JPH3: variants seen among roughly 807,000 people sequenced by gnomAD.
JPH3 encodes the protein junctophilin 3.
A neutral mutation model predicts 59.6 loss-of-function variants in JPH3; 11 were observed. The observed-to-expected ratio is 0.18, with a 90% CI of 0.12 to 0.31. JPH3 has a LOEUF of 0.31. Ranked by LOEUF, JPH3 falls within the 10% of genes least tolerant of loss-of-function variation. JPH3 has a pLI of 1.00. For missense variants in JPH3, 1,202 were observed against 1,105.7 expected (o/e 1.09, Z -1.24); for synonymous variants, 673 against 483.6 (o/e 1.39, Z -5.14).
At chr16:87,642,917 G>C (rs1056980465) in intron 1 of JPH3, among the ~76,000 whole-genome samples, 9 of 152,168 alleles carry the variant, frequency 5.9e-5, no homozygotes, top group African/African-American at 2.2e-4. Context: ...AATGTACCAC[G>C]TTAGCTACTT....
At position 87,603,072 on chromosome 16, in the gene JPH3, G is replaced by A. The variant is rs2030320808; in HGVS notation, c.-75G>A. 1.3e-6 allele frequency: 2 copies of A among 1,584,682 alleles called. No homozygotes were observed. The highest frequency in any genetic ancestry group is 1.7e-5 in the Admixed American group (1 of 58,074). On this transcript the variant is annotated 5_prime_UTR_variant, in exon 1 of 5. Coordinates refer to ENST00000284262, the MANE Select transcript of JPH3 (RefSeq NM_020655.4). ...AAACGCTCGCGACCCAGGGCCGCCG[G>A]CGGCCGCGACTCTGCTGTGTCGATC...
chr16:87,662,848 G>T (rs1199056353), intron 2 of JPH3, among the ~76,000 whole-genome samples: 1 of 152,176 alleles, frequency 6.6e-6, no homozygotes, highest in African/African-American at 2.4e-5. Context: ...ACCTGGGATG[G>T]CCCTCCCTAC....
chr16:87,636,417 G>T (rs534229132), intron 1 of JPH3, among the ~76,000 whole-genome samples: 1 of 152,236 alleles, frequency 6.6e-6, no homozygotes, highest in Non-Finnish European at 1.5e-5. Flanking sequence ...TGGTGCAGGC[G>T]TGTGCGCTCA....
rs1309484496 is a variant in JPH3 at position 87,690,367 on chromosome 16, C to G, written c.2007C>G (p.Ser669=). ...AQNKENFRPA[S]SAEPAVQKLA... ...ACAAGGAGAACTTCAGGCCGGCCTCCTCCGCGGAGCCCGCCGTGCAGAAAC... is the reference window on the plus strand; with the variant it reads ...ACAAGGAGAACTTCAGGCCGGCCTCGTCCGCGGAGCCCGCCGTGCAGAAAC... The change falls in exon 4 of 5, where the codon TCC becomes TCG. Residue 669 remains serine, a synonymous_variant. Transcript: ENST00000284262. The G allele has an allele frequency of 6.5e-7, 1 of 1,544,088 alleles. No homozygotes were observed. The highest frequency in any genetic ancestry group is 8.7e-7 in the Non-Finnish European group (1 of 1,148,120).
chr16:87,664,706 C>T (rs2032808901), intron 2 of JPH3, among the ~76,000 whole-genome samples: 1 of 152,172 alleles, frequency 6.6e-6, no homozygotes, highest in Non-Finnish European at 1.5e-5. Flanking sequence ...CGGTGAGCCA[C>T]CCCGGAGTGA....
chr16:87,610,851 G>C (rs2030704391), intron 1 of JPH3, among the ~76,000 whole-genome samples: 1 of 152,194 alleles, frequency 6.6e-6, no homozygotes, highest in African/African-American at 2.4e-5. Context: ...TTAATGAGTA[G>C]CATTCATTGC....
At chr16:87,650,187 A>G (rs1263098810) in intron 2 of JPH3, among the ~76,000 whole-genome samples, 1 of 152,202 alleles carries the variant, frequency 6.6e-6, no homozygotes, top group Non-Finnish European at 1.5e-5. Flanking sequence ...TCCGTGCCAC[A>G]CTTTGGTAAT....
At position 87,680,869 on chromosome 16, in the gene JPH3, C is replaced by T. The variant is rs150780348; in HGVS notation, c.1161-3273C>T. ...GTGTGAACGTATATATGTAAACACA[C>T]GTATGATGTTGGTGAGTTCATGTTG... On this transcript the variant is annotated intron_variant, in intron 2 of 4. Transcript: ENST00000284262. Among the ~76,000 whole-genome samples the T allele has an allele frequency of 3.1e-3, 471 of 152,320 alleles. 2 individuals carry two copies. The highest frequency in any genetic ancestry group is 0.011 in the African/African-American group (454 of 41,556).
intron 1 of JPH3, chr16:87,604,980 T>C (rs748080548): frequency 2.5e-5 from 10 of 396,882 alleles, no homozygotes; most frequent in Non-Finnish European, 5.1e-5. Flanking sequence ...GCTGTGGGCC[T>C]GTGTGTGTGT....
At chr16:87,684,769 G>T (rs532584057) in intron 3 of JPH3, among the ~76,000 whole-genome samples, 5 of 152,312 alleles carry the variant, frequency 3.3e-5, no homozygotes, top group East Asian at 1.9e-4. Flanking sequence ...AGCTCCCGCT[G>T]TGCCCCTCGG....
chr16:87,621,694 G>C (rs2150829359), intron 1 of JPH3, among the ~76,000 whole-genome samples: 1 of 152,364 alleles, frequency 6.6e-6, no homozygotes, highest in South Asian at 2.1e-4. Context: ...CCTGCAATGA[G>C]GGTGGACACT....
At chr16:87,652,619 G>A (rs1458598541) in intron 2 of JPH3, among the ~76,000 whole-genome samples, 1 of 152,204 alleles carries the variant, frequency 6.6e-6, no homozygotes, top group African/African-American at 2.4e-5. Context: ...GCACGCAGCT[G>A]GGCTAGGATG....
chr16:87,618,351 C>T (rs1168043078), intron 1 of JPH3, among the ~76,000 whole-genome samples: 3 of 151,956 alleles, frequency 2.0e-5, no homozygotes, highest in East Asian at 3.9e-4. Context: ...GGGAGGAGGG[C>T]GTGGACAGGC....
rs767455291 is a variant in JPH3 at position 87,644,245 on chromosome 16, A to G, written c.383-13A>G. On this transcript the variant is annotated splice_polypyrimidine_tract_variant and intron_variant, in intron 1 of 4. Transcript: ENST00000284262. ...GTCGCTGGGCACTCACCCCTCTCTC[A>G]TTTTCTCCCCAGGGACCTACCAGGG... 2 of 1,590,770 alleles carry G rather than the reference A, an allele frequency of 1.3e-6. No homozygotes were observed. The highest frequency in any genetic ancestry group is 1.7e-6 in the Non-Finnish European group (2 of 1,168,042).
intron 1 of JPH3, among the ~76,000 whole-genome samples, chr16:87,635,520 C>G (rs113294805): frequency 5.3e-5 from 8 of 152,296 alleles, no homozygotes; most frequent in African/African-American, 1.7e-4. Context: ...ATGCTGCTGA[C>G]CAAGCAGGCC....
At chr16:87,675,002 T>C (rs2033108530) in intron 2 of JPH3, among the ~76,000 whole-genome samples, 1 of 152,140 alleles carries the variant, frequency 6.6e-6, no homozygotes, top group African/African-American at 2.4e-5. Context: ...CCTCAGGTGA[T>C]CCACCAGCCT....
intron 1 of JPH3, among the ~76,000 whole-genome samples, chr16:87,640,007 A>G (rs1413500768): frequency 2.6e-5 from 4 of 152,178 alleles, no homozygotes; most frequent in African/African-American, 7.2e-5. Flanking sequence ...TCCTCTTTCC[A>G]GGGTCATCCT....
intron 2 of JPH3, among the ~76,000 whole-genome samples, chr16:87,678,277 C>T (rs1217391929): frequency 2.6e-5 from 4 of 151,992 alleles, no homozygotes; most frequent in Admixed American, 2.6e-4. Context: ...GGCGTGGTGG[C>T]TCACATCTGT....
intron 2 of JPH3, among the ~76,000 whole-genome samples, chr16:87,657,378 G>A (rs1463763728): frequency 1.3e-5 from 2 of 152,154 alleles, no homozygotes; most frequent in Non-Finnish European, 2.9e-5. Flanking sequence ...GAGTGGACTG[G>A]GTTACCAGGG....
Sources: gnomAD v4.1 joint callset for allele counts (sites outside exome capture counted in the v4.1 genomes callset) on GRCh38, gnomAD v4.1.1 for gene constraint, MANE v1.5 for transcripts, NCBI Gene and HGNC (gene_info 2026-07-23, HGNC 2026-07-21) for gene names.